Variants in TARS1 observed in about 807,000 individuals in gnomAD.
TARS1 encodes threonyl-tRNA synthetase 1, also known as threonine--tRNA ligase 1, cytoplasmic.
A neutral mutation model predicts 97.7 loss-of-function variants in TARS1; 57 were observed. The ratio of observed to expected loss-of-function variants is 0.58; its 90% CI spans 0.47 to 0.73. TARS1 has a LOEUF of 0.73. TARS1 is among the 30% of genes least tolerant of loss of function. The pLI is 0.00. For synonymous variants in TARS1, 312 were observed against 293.7 expected, an observed-to-expected ratio of 1.06 and a Z score of -0.64; for missense variants, 806 against 888.3, an observed-to-expected ratio of 0.91 and a Z score of 1.18.
intron 1 of TARS1, among the ~76,000 whole-genome samples, chr5:33,442,558 C>T (rs186310860): frequency 6.6e-6 from 1 of 151,798 alleles, no homozygotes; most frequent in African/African-American, 2.4e-5. Flanking sequence ...TTTTTTGAGA[C>T]GGAGTCTCGC....
chr5:33,444,334 G>A (rs1651085016), intron 1 of TARS1, among the ~76,000 whole-genome samples: 1 of 152,222 alleles, frequency 6.6e-6, no homozygotes, highest in Non-Finnish European at 1.5e-5. Context: ...ATTGATGGTA[G>A]TGATAGTTGC....
At chr5:33,445,523 C>A in intron 2 of TARS1, 119 bp downstream of exon 2, 2 of 755,356 alleles carry the variant, frequency 2.6e-6, no homozygotes, top group Non-Finnish European at 4.2e-6. Flanking sequence ...TAAGATGGTA[C>A]TGGTTGGAAA....
rs538072380 is a variant in TARS1 at position 33,443,087 on chromosome 5, G to GT, written c.57+1945dup. Among the ~76,000 whole-genome samples the GT allele has an allele frequency of 2.0e-3, 298 of 152,230 alleles. 1 individual carries two copies. The highest frequency in any genetic ancestry group is 3.8e-3 in the Non-Finnish European group (256 of 68,022). ...GATTTTAGATTACTTGTATGTAGATGTACATACCATATATACTCAGGGAAA... is the reference window on the plus strand; with the variant it reads ...GATTTTAGATTACTTGTATGTAGATGTTACATACCATATATACTCAGGGAAA... On this transcript the variant is annotated intron_variant, in intron 1 of 18. Coordinates refer to ENST00000265112, the MANE Select transcript of TARS1 (RefSeq NM_152295.5).
At chr5:33,446,313 C>T (rs1741410355) in intron 2 of TARS1, 3 of 305,786 alleles carry the variant, frequency 9.8e-6, no homozygotes, top group Non-Finnish European at 2.0e-5. Context: ...GTCTCCCGAC[C>T]ATTATACCCC....
intron 17 of TARS1, 101 bp downstream of exon 17, chr5:33,463,926 A>G (rs1046710772): frequency 1.0e-6 from 1 of 997,722 alleles, no homozygotes; most frequent in Non-Finnish European, 1.5e-6. Flanking sequence ...TGTTGTGATA[A>G]AGAGAAATGT....
chr5:33,451,082 C>T (rs1741709198), intron 3 of TARS1, among the ~76,000 whole-genome samples: 1 of 152,098 alleles, frequency 6.6e-6, no homozygotes, highest in Non-Finnish European at 1.5e-5. Flanking sequence ...CCACTGCACT[C>T]CAGCCTTGGT....
rs771002789 is a variant in TARS1, at chr5:33,458,548, T to G, written c.985-18T>G. ...TACGTGACGTACATAAACATTCTTTTGCTTTTCTTTTACCCAGGACCAAGA... is the reference window on the plus strand; with the variant it reads ...TACGTGACGTACATAAACATTCTTTGGCTTTTCTTTTACCCAGGACCAAGA... On this transcript the variant is annotated intron_variant, in intron 9 of 18. Transcript: ENST00000265112. The G allele has an allele frequency of 8.1e-6, 13 of 1,602,602 alleles. No individual in the cohort carries two copies. Among genetic ancestry groups the G allele is most frequent in the African/African-American group, 8.1e-5 (6 of 74,252 alleles).
chr5:33,452,724 G>A (rs1579581875), intron 3 of TARS1, among the ~76,000 whole-genome samples: 1 of 151,886 alleles, frequency 6.6e-6, no homozygotes, highest in Non-Finnish European at 1.5e-5. Context: ...AAAGGATCTG[G>A]TGTACATTTT....
intron 16 of TARS1, among the ~76,000 whole-genome samples, chr5:33,462,898 A>G (rs1742361235): frequency 6.6e-6 from 1 of 152,238 alleles, no homozygotes; most frequent in Admixed American, 6.5e-5. Flanking sequence ...CTGTCATTTC[A>G]GTTTTATTTG....
intron 2 of TARS1, 117 bp from the exon 3 acceptor site, chr5:33,448,424 C>T (rs1741530650): frequency 3.6e-6 from 3 of 835,178 alleles, no homozygotes; most frequent in African/African-American, 1.8e-5. Flanking sequence ...GTTTATTTAC[C>T]ACATTGAATC....
Position 33,456,152 on chromosome 5 carries a change from T to C in TARS1, c.762T>C (p.Cys254=), listed in dbSNP as rs1250098453. The part of the protein sequence containing the change: ...VNTPTTTVYR[C]GPLIDLCRGP... ...ATTCCTTTCATTTTATCTTTAGATG[T>C]GGCCCTTTGATAGATCTCTGCCGGG... Residue 254 remains cysteine (C), a synonymous_variant, in exon 8 of 19, where the codon TGT becomes TGC. Coordinates refer to ENST00000265112, the MANE Select transcript of TARS1 (RefSeq NM_152295.5). The C allele has an allele frequency of 1.2e-6, 2 of 1,613,964 alleles. No individual in the cohort carries two copies. The highest frequency in any genetic ancestry group is 1.7e-5 in the Admixed American group (1 of 59,996).
In TARS1 at chr5:33,440,981, C is replaced by A; in HGVS notation, c.-106C>A. The A allele has an allele frequency of 6.9e-7, 1 of 1,442,214 alleles. No individual in the cohort carries two copies. The highest frequency in any genetic ancestry group is 1.2e-5 in the South Asian group (1 of 82,482). The allele number at this position is 1,442,214 out of a possible 1,614,324, so 89.3% of individuals were successfully genotyped here. On this transcript the variant is annotated 5_prime_UTR_variant, in exon 1 of 19. Transcript: ENST00000265112. ...GCGCCTTTCGATTGCATCAGCTGGT[C>A]CAGCCGAGGCCAAGTCCCGGGCGCT...
At chr5:33,459,648 T>C (rs1053832352) in intron 10 of TARS1, 47 bp from the exon 11 acceptor site, 25 of 1,604,470 alleles carry the variant, frequency 1.6e-5, no homozygotes, top group Non-Finnish European at 2.0e-5. Context: ...CCACTTGAAG[T>C]ATGAGCATTT....
intron 4 of TARS1, 108 bp from the exon 5 acceptor site, chr5:33,454,837 T>C: frequency 3.0e-6 from 4 of 1,333,332 alleles, no homozygotes; most frequent in Non-Finnish European, 4.0e-6. Flanking sequence ...TTTTATATAT[T>C]GGGTTTACTT....
At chr5:33,457,114 G>T in intron 8 of TARS1, 143 bp from the exon 9 acceptor site, 1 of 874,338 alleles carries the variant, frequency 1.1e-6, no homozygotes, top group Non-Finnish European at 1.7e-6. Context: ...TTGAGGGAGG[G>T]GCATTTTTGA....
At chr5:33,462,390 A>C (rs1055837998) in intron 16 of TARS1, among the ~76,000 whole-genome samples, 187 bp downstream of exon 16, 1 of 152,226 alleles carries the variant, frequency 6.6e-6, no homozygotes, top group Non-Finnish European at 1.5e-5. Context: ...ATTAAGAACA[A>C]TTGCTAATAG....
At chr5:33,456,940 G>A (rs1194238859) in intron 8 of TARS1, among the ~76,000 whole-genome samples, 1 of 152,244 alleles carries the variant, frequency 6.6e-6, no homozygotes, top group African/African-American at 2.4e-5. Context: ...GCGACCATAA[G>A]CGCACACCAC....
At chr5:33,447,847 A>T (rs537897205) in intron 2 of TARS1, among the ~76,000 whole-genome samples, 1 of 152,352 alleles carries the variant, frequency 6.6e-6, no homozygotes, top group East Asian at 1.9e-4. Context: ...CCACAGATTC[A>T]CTGCCTTTTT....
chr5:33,455,058 C>T lies in TARS1; in HGVS notation c.567C>T (p.Leu189=), dbSNP rs1156970022. 16 of 1,613,196 alleles carry T rather than the reference C, an allele frequency of 9.9e-6. No individual in the cohort carries two copies. Among genetic ancestry groups the T allele is most frequent in the African/African-American group, 2.7e-5 (2 of 74,770 alleles). ...IENGFYYDMY[L]EEGGVSSNDF... ...ATGGATTCTATTATGACATGTACCT[C>T]GAAGAAGGGTAAGCCATCAACTAGA... The change falls in exon 5 of 19, where the codon CTC becomes CTT. Residue 189 remains leucine (L), a synonymous_variant. Coordinates refer to ENST00000265112, the MANE Select transcript of TARS1 (RefSeq NM_152295.5).
Sources: gnomAD v4.1 joint callset for allele counts (sites outside exome capture counted in the v4.1 genomes callset) on GRCh38, gnomAD v4.1.1 for gene constraint, MANE v1.5 for transcripts, NCBI Gene and HGNC (gene_info 2026-07-23, HGNC 2026-07-21) for gene names.